NOD1: variants seen among roughly 807,000 people sequenced by gnomAD.
The protein encoded by NOD1 is nucleotide binding oligomerization domain containing 1.
Under a neutral mutation model 81.2 loss-of-function variants are expected in NOD1, and 70 were observed. The observed-to-expected ratio is 0.86, with a 90% CI of 0.71 to 1.05. NOD1 has a LOEUF of 1.05. Ranked by LOEUF, NOD1 falls within the 50% of genes least tolerant of loss-of-function variation. The pLI, the probability that NOD1 is intolerant of heterozygous loss-of-function variation, is 0.00. For missense variants in NOD1, 1,233 were observed against 1,228.0 expected, an observed-to-expected ratio of 1.00 and a Z score of -0.06; for synonymous variants, 508 against 526.9, an observed-to-expected ratio of 0.96 and a Z score of 0.49.
At chr7:30,450,651 T>C (rs969964130) in intron 6 of NOD1, among the ~76,000 whole-genome samples, 6 of 152,210 alleles carry the variant, frequency 3.9e-5, no homozygotes, top group Admixed American at 6.5e-5. Context: ...CAAGGTCTGC[T>C]TTCTCTGCAG....
At chr7:30,473,251 C>G (rs1788455146) in intron 1 of NOD1, among the ~76,000 whole-genome samples, 1 of 152,142 alleles carries the variant, frequency 6.6e-6, no homozygotes, top group South Asian at 2.1e-4. Flanking sequence ...AAGAAGAGGC[C>G]AAAGCCACTG....
Position 30,456,798 on chromosome 7 carries a change from C to A in NOD1, c.124G>T (p.Asp42Tyr). The A allele has an allele frequency of 1.2e-6, 2 of 1,614,202 alleles. No homozygotes were observed. Among genetic ancestry groups the A allele is most frequent in the Non-Finnish European group, 1.7e-6 (2 of 1,180,042 alleles). ...THIRNTQCLV[D>Y]NLLKNDYFSA... ...AAGTAGTCATTCTTCAGCAAGTTGTCCACCAGACACTGAGTATTGCGGATG... is the reference window on the plus strand; with the variant it reads ...AAGTAGTCATTCTTCAGCAAGTTGTACACCAGACACTGAGTATTGCGGATG... The change falls in exon 4 of 14, where the codon GAC (aspartate) becomes TAC (tyrosine). Residue 42 changes from aspartate (D) to tyrosine (Y), a missense_variant. Asp to Tyr is a radical substitution (Grantham distance 160, BLOSUM62 -3). Transcript: ENST00000222823.
intron 11 of NOD1, among the ~76,000 whole-genome samples, chr7:30,433,912 T>C (rs1784162606): frequency 6.6e-6 from 1 of 152,300 alleles, no homozygotes; most frequent in African/African-American, 2.4e-5. Context: ...TACCCTACAG[T>C]GTGCAAGGAT....
At chr7:30,432,438 A>T (rs1248496405) in intron 12 of NOD1, among the ~76,000 whole-genome samples, 1 of 152,238 alleles carries the variant, frequency 6.6e-6, no homozygotes, top group African/African-American at 2.4e-5. Flanking sequence ...AAAGATGGAC[A>T]ATAATAAGTG....
intron 1 of NOD1, among the ~76,000 whole-genome samples, chr7:30,460,899 T>C (rs924330441): frequency 6.6e-6 from 1 of 151,990 alleles, no homozygotes; most frequent in Non-Finnish European, 1.5e-5. Context: ...TCTTCCAAAC[T>C]AAAGAAAAGG....
At chr7:30,428,540 T>TTTTC (rs1290963664) in intron 13 of NOD1, 1 of 152,230 alleles carries the variant, frequency 6.6e-6, no homozygotes, top group African/African-American at 2.4e-5. Context: ...TTCTGTTCTG[T>TTTTC]TTTCTTTTTA....
intron 13 of NOD1, among the ~76,000 whole-genome samples, chr7:30,426,475 C>T (rs1783465511): frequency 6.6e-6 from 1 of 151,804 alleles, no homozygotes; most frequent in African/African-American, 2.4e-5. Flanking sequence ...GGTCTGAGCA[C>T]CCATCATCTC....
intron 1 of NOD1, among the ~76,000 whole-genome samples, chr7:30,465,637 G>C (rs1374981621): frequency 2.0e-5 from 3 of 151,142 alleles, no homozygotes; most frequent in Non-Finnish European, 2.9e-5. Flanking sequence ...GCACCCAATT[G>C]TTGGGAATCA....
rs199475901 is a variant in NOD1 at position 30,451,994 on chromosome 7, G to T, written c.1423C>A (p.Leu475Ile). The T allele has an allele frequency of 1.2e-6, 2 of 1,613,564 alleles. No homozygotes were observed. The highest frequency in any genetic ancestry group is 2.2e-5 in the South Asian group (2 of 91,086). ...QVAHRGMEKS[L>I]FVFTQEEVQA... ...ACCTCCTCCTGGGTGAAGACAAAGA[G>T]GCTCTTCTCCATGCCCCGGTGGGCC... The change falls in exon 6 of 14, where the codon CTC becomes ATC. Residue 475 changes from leucine to isoleucine, a missense_variant. Physicochemically the swap from Leu to Ile is conservative, Grantham distance 5. Coordinates refer to ENST00000222823, the MANE Select transcript of NOD1 (RefSeq NM_006092.4). This position sits in a 1 kb window ranked among gnomAD's most constrained non-coding sequence, Gnocchi z 4.2.
At chr7:30,433,028 T>A in intron 12 of NOD1, 68 bp downstream of exon 12, 1 of 1,224,598 alleles carries the variant, frequency 8.2e-7, no homozygotes, top group Non-Finnish European at 1.2e-6. Context: ...TTACAGTATG[T>A]AAATTTTATC....
At chr7:30,445,886 G>A (rs1215884905) in intron 9 of NOD1, among the ~76,000 whole-genome samples, 1 of 151,378 alleles carries the variant, frequency 6.6e-6, no homozygotes, top group Non-Finnish European at 1.5e-5. Context: ...CCACTTACAT[G>A]AGGTAGAGTA....
At chr7:30,429,165 G>C (rs1205101004) in intron 13 of NOD1, among the ~76,000 whole-genome samples, 1 of 152,256 alleles carries the variant, frequency 6.6e-6, no homozygotes, top group Non-Finnish European at 1.5e-5. Flanking sequence ...ATTCTGGGCT[G>C]AATTCTAGCT....
chr7:30,452,054 C>T lies in NOD1; in HGVS notation c.1363G>A (p.Ala455Thr), dbSNP rs777205403. ...NTRSPVETLH[A>T]GRDTLCSLGQ... ...AGCGAGCACAGAGTGTCCCGGCCGG[C>T]GTGGAGGGTCTCCACTGGGCTGCGT... The change falls in exon 6 of 14, where the codon GCC becomes ACC. Residue 455 changes from alanine (A) to threonine (T), a missense_variant. Transcript: ENST00000222823. The T allele has an allele frequency of 1.1e-5, 17 of 1,613,528 alleles. No homozygotes were observed. The South Asian group carries it at 1.3e-4, about 13-fold the overall frequency.
intron 11 of NOD1, among the ~76,000 whole-genome samples, chr7:30,435,375 G>A (rs1334771746): frequency 6.6e-6 from 1 of 152,112 alleles, no homozygotes; most frequent in Non-Finnish European, 1.5e-5. Context: ...GTGGAAGTTG[G>A]CCTCTGCTAA....
chr7:30,477,060 G>A (rs772591198), intron 1 of NOD1, among the ~76,000 whole-genome samples: 1 of 152,096 alleles, frequency 6.6e-6, no homozygotes, highest in Non-Finnish European at 1.5e-5. Flanking sequence ...TTTTACAGGT[G>A]GGAAAACAGG....
intron 10 of NOD1, 123 bp from the exon 11 acceptor site, chr7:30,436,204 C>T: frequency 1.4e-6 from 1 of 740,498 alleles, no homozygotes; most frequent in Non-Finnish European, 2.3e-6. Flanking sequence ...TCACTCGGGG[C>T]AGGATGCAGA....
intron 1 of NOD1, among the ~76,000 whole-genome samples, chr7:30,474,283 A>G (rs1788552323): frequency 6.6e-6 from 1 of 152,256 alleles, no homozygotes; most frequent in Non-Finnish European, 1.5e-5. Flanking sequence ...CACTTTACAT[A>G]GATTAGCTCA....
rs188382705 is a variant in NOD1 at position 30,456,123 on chromosome 7, C to T, written c.201+598G>A. Among the ~76,000 whole-genome samples, 95 of 152,386 alleles carry T rather than the reference C, an allele frequency of 6.2e-4. 1 individual carries two copies. The highest frequency in any genetic ancestry group is 2.0e-3 in the African/African-American group (85 of 41,598). ...GTGTGCTACTGCTTCCCCCAGAAAC[C>T]GTCCTGGTCTCTTCTGAGTCCCAGC... On this transcript the variant is annotated intron_variant, in intron 4 of 13. Transcript: ENST00000222823.
Position 30,467,998 on chromosome 7 carries a change from G to A in NOD1, c.-351-7957C>T, listed in dbSNP as rs540376898. Reference sequence around the variant, plus strand: ...ATTACAGGAGTGAGCCACCGCACCCGGCCTATATTTTGTTTTAAATTTAGT... The same window carrying A: ...ATTACAGGAGTGAGCCACCGCACCCAGCCTATATTTTGTTTTAAATTTAGT... On this transcript the variant is annotated intron_variant, in intron 1 of 13. Transcript: ENST00000222823. The surrounding 1 kb of genome is among the most constrained non-coding windows in gnomAD (Gnocchi z 4.5). Among the ~76,000 whole-genome samples the A allele has an allele frequency of 6.4e-4, 98 of 152,154 alleles. No individual in the cohort carries two copies. The highest frequency in any genetic ancestry group is 1.1e-3 in the Non-Finnish European group (77 of 67,998).
Sources: gnomAD v4.1 joint callset for allele counts (sites outside exome capture counted in the v4.1 genomes callset) on GRCh38, gnomAD v4.1.1 for gene constraint, Gnocchi (gnomAD v3.1) non-coding constraint, MANE v1.5 for transcripts, NCBI Gene and HGNC (gene_info 2026-07-23, HGNC 2026-07-21) for gene names.